The following HSF2BP variants were observed in gnomAD, a reference collection of about 807,000 sequenced individuals.
The protein encoded by HSF2BP is heat shock factor 2-binding protein.
Under a neutral mutation model 35.0 loss-of-function variants are expected in HSF2BP, and 35 were observed. The ratio of observed to expected loss-of-function variants is 1.00; its 90% CI spans 0.76 to 1.32. The LOEUF (loss-of-function observed/expected upper bound fraction) is 1.32, where lower values mean the gene tolerates loss of function less well. Among genes scored for constraint, HSF2BP ranks in the 40% most tolerant of loss-of-function variants. HSF2BP has a pLI of 0.00. For missense variants in HSF2BP, 326 were observed against 321.7 expected, an observed-to-expected ratio of 1.01 and a Z score of -0.10; for synonymous variants, 114 against 117.4, an observed-to-expected ratio of 0.97 and a Z score of 0.18.
At chr21:43,608,434 G>A (rs1372282530) in intron 7 of HSF2BP, among the ~76,000 whole-genome samples, 1 of 152,012 alleles carries the variant, frequency 6.6e-6, no homozygotes, top group African/African-American at 2.4e-5. Flanking sequence ...GCTATTACTA[G>A]AAAGTCAAAA....
intron 3 of HSF2BP, among the ~76,000 whole-genome samples, chr21:43,651,370 T>C (rs2147113045): frequency 6.6e-6 from 1 of 152,118 alleles, no homozygotes; most frequent in East Asian, 1.9e-4. Flanking sequence ...TCATGACACT[T>C]TGTCCTGACT....
At chr21:43,631,619 G>A (rs2082457425) in intron 5 of HSF2BP, among the ~76,000 whole-genome samples, 1 of 152,006 alleles carries the variant, frequency 6.6e-6, no homozygotes, top group African/African-American at 2.4e-5. Context: ...GGAAAATCCA[G>A]TCTTCCCACC....
chr21:43,658,828 T>C (rs1202658327), intron 1 of HSF2BP, among the ~76,000 whole-genome samples: 1 of 152,158 alleles, frequency 6.6e-6, no homozygotes, highest in Non-Finnish European at 1.5e-5. Context: ...TGCCCAAGCC[T>C]CTGCAGGCAC....
chr21:43,576,063 A>C (rs1377620681), intron 8 of HSF2BP, among the ~76,000 whole-genome samples: 1 of 151,908 alleles, frequency 6.6e-6, no homozygotes, highest in African/African-American at 2.4e-5. Flanking sequence ...GGTTGCAGTA[A>C]GCCAAGATCG....
chr21:43,592,174 G>T, intron 8 of HSF2BP, 51 bp downstream of exon 8: 2 of 1,203,678 alleles, frequency 1.7e-6, no homozygotes, highest in African/African-American at 1.5e-5. Context: ...GATAAGGGAG[G>T]ACTACTGCAT....
chr21:43,604,759 G>A (rs1254995585), intron 7 of HSF2BP, among the ~76,000 whole-genome samples: 6 of 96,672 alleles, frequency 6.2e-5, no homozygotes, highest in African/African-American at 8.4e-5. Flanking sequence ...CACACCATAC[G>A]CACACCACTC....
chr21:43,615,258 C>T (rs755102553), intron 6 of HSF2BP, among the ~76,000 whole-genome samples: 2 of 152,184 alleles, frequency 1.3e-5, no homozygotes, highest in African/African-American at 2.4e-5. Context: ...TTAATGGAAA[C>T]GCTTCTAAAA....
chr21:43,605,588 C>T (rs2082125050), intron 7 of HSF2BP, among the ~76,000 whole-genome samples: 1 of 150,266 alleles, frequency 6.7e-6, no homozygotes, highest in African/African-American at 2.5e-5. Context: ...CCAACATACA[C>T]ATACCACACA....
chr21:43,616,021 A>G lies in HSF2BP; in HGVS notation c.575-2074T>C, dbSNP rs188251711. On this transcript the variant is annotated intron_variant, in intron 6 of 8. Transcript: ENST00000291560. The stretch of plus-strand genomic sequence containing the variant: ...TTACACAGCAATAGAAAATAGAAAC[A>G]TTACTAATACATCGCTGAAGAAAAA... Among the ~76,000 whole-genome samples the G allele has an allele frequency of 7.3e-3, 1,029 of 140,176 alleles. 10 individuals are homozygous for G. The highest frequency in any genetic ancestry group is 0.018 in the Middle Eastern group (5 of 282). 92.0% of individuals were successfully genotyped at this position (140,176 alleles called of 152,430 possible). A position where few individuals can be genotyped will look rare whatever the true frequency, so the allele number is the denominator to read the frequency against.
At chr21:43,627,151 C>A (rs140901662) in intron 6 of HSF2BP, among the ~76,000 whole-genome samples, 11 of 152,132 alleles carry the variant, frequency 7.2e-5, no homozygotes, top group Admixed American at 2.0e-4. Context: ...GGATTACAGG[C>A]GTAAGCCACC....
At chr21:43,591,385 T>G (rs900742270) in intron 8 of HSF2BP, among the ~76,000 whole-genome samples, 1 of 152,174 alleles carries the variant, frequency 6.6e-6, no homozygotes. Flanking sequence ...CATACCCACA[T>G]AGAGTACTGT....
chr21:43,618,486 G>A (rs531166107), intron 6 of HSF2BP, among the ~76,000 whole-genome samples: 2 of 152,264 alleles, frequency 1.3e-5, no homozygotes, highest in South Asian at 2.1e-4. Flanking sequence ...TCCAACAAAG[G>A]TGCCAAGACA....
chr21:43,592,347 A>G lies in HSF2BP; in HGVS notation c.693-19T>C. 6.5e-7 allele frequency: 1 copy of G among 1,528,020 alleles called. No homozygotes were observed. The allele number at this position is 1,528,020 out of a possible 1,614,324, so 94.7% of individuals were successfully genotyped here. A position where few individuals can be genotyped will look rare whatever the true frequency, so the allele number is the denominator to read the frequency against. On this transcript the variant is annotated intron_variant, in intron 7 of 8. Coordinates refer to ENST00000291560, the MANE Select transcript of HSF2BP (RefSeq NM_007031.2). ...CATTAGCCTGAAATGTAAAAGAAAA[A>G]GGTGTTGGAATGCTCCATCCACACT...
rs150858800 is a variant in HSF2BP at position 43,617,842 on chromosome 21, T to C, written c.575-3895A>G. 1.5e-3 allele frequency among the ~76,000 whole-genome samples: 228 copies of C among 152,210 alleles called. 2 individuals carry two copies. Among genetic ancestry groups the C allele is most frequent in the African/African-American group, 5.2e-3 (218 of 41,540 alleles). On this transcript the variant is annotated intron_variant, in intron 6 of 8. Transcript: ENST00000291560. ...GGTGGCATGCACCTGTAATCCCATC[T>C]ACTCAAGAGGCTGAGGCAGAAGAAT...
At chr21:43,640,376 G>A (rs894684265) in intron 4 of HSF2BP, among the ~76,000 whole-genome samples, 4 of 152,214 alleles carry the variant, frequency 2.6e-5, no homozygotes, top group Admixed American at 1.3e-4. Context: ...GATGGAAAAT[G>A]TATTAGTGAT....
chr21:43,633,470 T>A (rs146446191), intron 4 of HSF2BP, 49 bp from the exon 5 acceptor site: 2 of 1,428,274 alleles, frequency 1.4e-6, no homozygotes, highest in African/African-American at 2.9e-5. Flanking sequence ...TCAACCTTGA[T>A]ATATCTTTAT....
At chr21:43,639,274 C>T (rs1285527345) in intron 4 of HSF2BP, among the ~76,000 whole-genome samples, 1 of 152,072 alleles carries the variant, frequency 6.6e-6, no homozygotes, top group South Asian at 2.1e-4. Flanking sequence ...AACAAGAAAA[C>T]AGTCTATAAA....
chr21:43,651,766 C>T (rs2082789461), intron 3 of HSF2BP, among the ~76,000 whole-genome samples: 1 of 152,204 alleles, frequency 6.6e-6, no homozygotes, highest in African/African-American at 2.4e-5. Context: ...TCACATGCCA[C>T]CGCCCTGGCC....
In HSF2BP at chr21:43,597,704, A is replaced by G. The variant is rs777953562; in HGVS notation, c.693-5376T>C. On this transcript the variant is annotated intron_variant, in intron 7 of 8. Transcript: ENST00000291560. This position sits in a 1 kb window ranked among gnomAD's most constrained non-coding sequence, Gnocchi z 4.3. ...CCCAGCTTATTTTTTAATTTTTTGTATGAGGTCTTGCCATCTTGCCAAGGC... is the reference window on the plus strand; with the variant it reads ...CCCAGCTTATTTTTTAATTTTTTGTGTGAGGTCTTGCCATCTTGCCAAGGC... Among the ~76,000 whole-genome samples the G allele has an allele frequency of 2.6e-5, 4 of 151,914 alleles. No individual in the cohort carries two copies. Among genetic ancestry groups the G allele is most frequent in the Non-Finnish European group, 5.9e-5 (4 of 67,958 alleles).
Sources: gnomAD v4.1 joint callset for allele counts (sites outside exome capture counted in the v4.1 genomes callset) on GRCh38, gnomAD v4.1.1 for gene constraint, Gnocchi (gnomAD v3.1) non-coding constraint, MANE v1.5 for transcripts, NCBI Gene and HGNC (gene_info 2026-07-23, HGNC 2026-07-21) for gene names.